RIMS2: variants seen among roughly 807,000 people sequenced by gnomAD.
RIMS2 encodes regulating synaptic membrane exocytosis 2, also known as regulating synaptic membrane exocytosis protein 2.
RIMS2 carries 59 observed loss-of-function variants against 174.4 expected under a neutral mutation model. The observed-to-expected ratio is 0.34, with a 90% CI of 0.27 to 0.42. The LOEUF is 0.42. Among genes scored for constraint, RIMS2 ranks in the 10% least tolerant of loss-of-function variants. The pLI, the probability that RIMS2 is intolerant of heterozygous loss-of-function variation, is 1.00. For synonymous variants in RIMS2, 606 were observed against 572.5 expected (o/e 1.06, Z -0.84); for missense variants, 1,620 against 1,666.3 (o/e 0.97, Z 0.48).
chr8:104,033,816 T>C (rs1276455235), intron 19 of RIMS2, among the ~76,000 whole-genome samples: 4 of 152,154 alleles, frequency 2.6e-5, no homozygotes, highest in Non-Finnish European at 4.4e-5. Flanking sequence ...TTTTTAATTA[T>C]CAAAACTTTG....
intron 19 of RIMS2, among the ~76,000 whole-genome samples, chr8:104,222,239 AT>A (rs558875262): frequency 2.6e-5 from 4 of 152,044 alleles, no homozygotes; most frequent in African/African-American, 7.2e-5. Flanking sequence ...GAGAGCAGGG[AT>A]TTTTTTTAGC....
intron 1 of RIMS2, among the ~76,000 whole-genome samples, chr8:103,511,214 G>A (rs1000493706): frequency 2.6e-5 from 4 of 152,106 alleles, no homozygotes; most frequent in Admixed American, 6.6e-5. Context: ...TGCCCTGTAC[G>A]TAAAGATTAA....
At chr8:103,714,764 T>A (rs2097348924) in intron 2 of RIMS2, among the ~76,000 whole-genome samples, 1 of 151,982 alleles carries the variant, frequency 6.6e-6, no homozygotes, top group Non-Finnish European at 1.5e-5. Flanking sequence ...GATTTGGGAG[T>A]AATACTTAAA....
intron 1 of RIMS2, among the ~76,000 whole-genome samples, chr8:103,637,569 TTTTTG>T (rs752244221): frequency 6.6e-6 from 1 of 152,318 alleles, no homozygotes; most frequent in Non-Finnish European, 1.5e-5. Context: ...GTGGGAAGGT[TTTTTG>T]TTTTGTTTTA....
At chr8:103,969,063 AGAACTCAT>A (rs1307706535) in intron 15 of RIMS2, among the ~76,000 whole-genome samples, 1 of 152,070 alleles carries the variant, frequency 6.6e-6, no homozygotes, top group Non-Finnish European at 1.5e-5. Flanking sequence ...GCTTCTCTAG[AGAACTCAT>A]ATGTAATTCT....
intron 19 of RIMS2, among the ~76,000 whole-genome samples, chr8:104,096,495 A>T (rs2097764793): frequency 6.6e-6 from 1 of 152,186 alleles, no homozygotes; most frequent in Non-Finnish European, 1.5e-5. Context: ...TGGAACTGTA[A>T]ACTAGAGGAG....
chr8:104,223,353 C>G, intron 19 of RIMS2: 1 of 1,155,776 alleles, frequency 8.7e-7, no homozygotes, highest in Non-Finnish European at 1.1e-6. Context: ...GCTCCAGCCT[C>G]CAGGATTCTC....
At chr8:103,675,695 T>C (rs958522982) in intron 1 of RIMS2, among the ~76,000 whole-genome samples, 2 of 152,158 alleles carry the variant, frequency 1.3e-5, no homozygotes, top group Non-Finnish European at 2.9e-5. Flanking sequence ...CTGACAATTA[T>C]GAAGCCATTC....
chr8:103,523,643 T>C (rs768109685), intron 1 of RIMS2, among the ~76,000 whole-genome samples: 2 of 152,078 alleles, frequency 1.3e-5, no homozygotes, highest in Admixed American at 6.6e-5. Context: ...GTCAGTGTTA[T>C]AGAGTGAGGG....
At chr8:104,006,473 C>G (rs1365575492) in intron 17 of RIMS2, among the ~76,000 whole-genome samples, 2 of 152,086 alleles carry the variant, frequency 1.3e-5, no homozygotes, top group African/African-American at 4.8e-5. Context: ...TCACTTGAAC[C>G]TGGGAGGTGG....
At chr8:104,256,007 C>T (rs1017832672), downstream of RIMS2, 19 of 152,174 alleles carry the variant, frequency 1.2e-4, no homozygotes, top group East Asian at 1.5e-3. Flanking sequence ...TTAACTAAAA[C>T]GTAAGCTCCT....
chr8:104,010,172 T>C (rs757445086), intron 17 of RIMS2, among the ~76,000 whole-genome samples: 50 of 152,066 alleles, frequency 3.3e-4, no homozygotes, highest in Middle Eastern at 3.2e-3. Flanking sequence ...AAACCTAAAG[T>C]ACATCGCAAA....
At chr8:103,875,250 T>C (rs953085451) in intron 3 of RIMS2, among the ~76,000 whole-genome samples, 3 of 151,926 alleles carry the variant, frequency 2.0e-5, no homozygotes, top group Non-Finnish European at 1.5e-5. Context: ...AGGTGATTTT[T>C]TTTATCTCTC....
At chr8:103,747,691 G>T (rs371070127) in intron 2 of RIMS2, among the ~76,000 whole-genome samples, 2 of 152,098 alleles carry the variant, frequency 1.3e-5, no homozygotes, top group Non-Finnish European at 2.9e-5. Context: ...TAGAATATGA[G>T]AGAAAAATAT....
At chr8:104,090,922 A>C (rs983824738) in intron 19 of RIMS2, among the ~76,000 whole-genome samples, 5 of 151,814 alleles carry the variant, frequency 3.3e-5, no homozygotes, top group African/African-American at 1.2e-4. Context: ...ATATTCCTGA[A>C]ATTTACATAA....
chr8:104,068,455 TCGGAC>T, intron 19 of RIMS2, 52 bp from the exon 23 acceptor site: 1 of 758,508 alleles, frequency 1.3e-6, no homozygotes, highest in Non-Finnish European at 2.2e-6. Context: ...ATCCTGTAAG[TCGGAC>T]TCAGAAATAA....
intron 19 of RIMS2, among the ~76,000 whole-genome samples, chr8:104,125,509 C>G (rs1452929285): frequency 6.6e-6 from 1 of 152,138 alleles, no homozygotes; most frequent in Non-Finnish European, 1.5e-5. Flanking sequence ...TGTTACTATT[C>G]AAACTAAGAG....
chr8:103,676,769 G>A (rs1212444775), intron 1 of RIMS2, among the ~76,000 whole-genome samples: 1 of 152,040 alleles, frequency 6.6e-6, no homozygotes, highest in Non-Finnish European at 1.5e-5. Context: ...GATCACTTGA[G>A]GTCAAGAGTT....
At chr8:103,560,620 G>C (rs2091434487) in intron 1 of RIMS2, among the ~76,000 whole-genome samples, 1 of 152,148 alleles carries the variant, frequency 6.6e-6, no homozygotes, top group South Asian at 2.1e-4. Context: ...AATAATTCAA[G>C]TGTTTTACAT....
Sources: gnomAD v4.1 joint callset for allele counts (sites outside exome capture counted in the v4.1 genomes callset) on GRCh38, gnomAD v4.1.1 for gene constraint, MANE v1.5 for transcripts, NCBI Gene and HGNC (gene_info 2026-07-23, HGNC 2026-07-21) for gene names.